The following ELP4 variants were observed in gnomAD, a reference collection of about 807,000 sequenced individuals.
ELP4 encodes the protein elongator acetyltransferase complex subunit 4.
Under a neutral mutation model 48.9 loss-of-function variants are expected in ELP4, and 51 were observed. That is an observed-to-expected ratio of 1.04 (90% CI 0.83 to 1.32). ELP4 has a LOEUF of 1.32. Among genes scored for constraint, ELP4 ranks in the 40% most tolerant of loss-of-function variants. ELP4 has a pLI of 0.00. For synonymous variants in ELP4, 210 were observed against 189.2 expected (o/e 1.11, Z -0.90); for missense variants, 519 against 514.6 (o/e 1.01, Z -0.08).
At chr11:31,657,290 T>C (rs998386191) in intron 9 of ELP4, among the ~76,000 whole-genome samples, 7 of 152,064 alleles carry the variant, frequency 4.6e-5, no homozygotes, top group Non-Finnish European at 8.8e-5. Context: ...GTAAATTAAC[T>C]ACCTCAACCT....
intron 7 of ELP4, among the ~76,000 whole-genome samples, chr11:31,635,639 A>G (rs1944959032): frequency 6.6e-6 from 1 of 151,996 alleles, no homozygotes; most frequent in African/African-American, 2.4e-5. Flanking sequence ...CCTCAGCTTC[A>G]TCTGTGAAAA....
At chr11:31,761,499 A>G (rs976956744) in intron 9 of ELP4, among the ~76,000 whole-genome samples, 7 of 152,224 alleles carry the variant, frequency 4.6e-5, no homozygotes, top group Non-Finnish European at 1.0e-4. Context: ...CCTGTTACAT[A>G]TATACCAGTA....
chr11:31,686,416 T>A (rs1490563610), intron 9 of ELP4, among the ~76,000 whole-genome samples: 1 of 151,520 alleles, frequency 6.6e-6, no homozygotes, highest in Non-Finnish European at 1.5e-5. Flanking sequence ...TGCAAGCATC[T>A]GACTATTTTA....
At chr11:31,727,873 G>A (rs1947108668) in intron 9 of ELP4, 1 of 152,150 alleles carries the variant, frequency 6.6e-6, no homozygotes, top group South Asian at 2.1e-4. Flanking sequence ...CAAGCATTCA[G>A]AATAGATACT....
intron 3 of ELP4, among the ~76,000 whole-genome samples, chr11:31,545,859 C>A (rs1377184643): frequency 1.3e-5 from 2 of 151,990 alleles, no homozygotes; most frequent in Non-Finnish European, 2.9e-5. Flanking sequence ...AATATTCAAC[C>A]CAGAATTTCA....
At chr11:31,514,763 A>G (rs1427767224) in intron 1 of ELP4, among the ~76,000 whole-genome samples, 1 of 152,088 alleles carries the variant, frequency 6.6e-6, no homozygotes, top group Non-Finnish European at 1.5e-5. Context: ...CCTTCAAAGA[A>G]TATGTCAGGA....
chr11:31,703,477 A>T (rs898113390), intron 9 of ELP4, among the ~76,000 whole-genome samples: 1 of 152,192 alleles, frequency 6.6e-6, no homozygotes, highest in African/African-American at 2.4e-5. Context: ...CATAATCTAT[A>T]TACTTTGCTT....
chr11:31,656,823 G>A (rs1202632303), intron 9 of ELP4, among the ~76,000 whole-genome samples: 1 of 151,974 alleles, frequency 6.6e-6, no homozygotes, highest in Non-Finnish European at 1.5e-5. Context: ...ATTTATATAT[G>A]TGTTTTATGG....
intron 9 of ELP4, among the ~76,000 whole-genome samples, chr11:31,737,375 A>G (rs1031302123): frequency 6.6e-6 from 1 of 152,086 alleles, no homozygotes; most frequent in South Asian, 2.1e-4. Context: ...GCTAAATGAC[A>G]AGTTAATGAG....
At chr11:31,735,381 A>C (rs1947287937) in intron 9 of ELP4, among the ~76,000 whole-genome samples, 1 of 152,210 alleles carries the variant, frequency 6.6e-6, no homozygotes, top group Non-Finnish European at 1.5e-5. Context: ...ACTTTAAAAA[A>C]TAAAAGCTTC....
rs1949361335 is a variant in ELP4 at position 31,790,115 on chromosome 11, A to AAAAC, written c.*6594_*6595insCAAA. 4 of 791,900 alleles carry AAAAC rather than the reference A, an allele frequency of 5.1e-6. 1 individual carries two copies. The highest frequency in any genetic ancestry group is 5.4e-4 in the Middle Eastern group (2 of 3,726). The allele number at this position is 791,900 out of a possible 1,614,324, so 49.1% of individuals were successfully genotyped here. A position where few individuals can be genotyped will look rare whatever the true frequency, so the allele number is the denominator to read the frequency against. ...AGGTTTACAAAAAAAAAAAAAAAAA[A>AAAAC]AAAAACTAATACTTTCTAACATTTT... On this transcript the variant is annotated 3_prime_UTR_variant, in exon 10 of 10. Transcript: ENST00000640961.
intron 9 of ELP4, among the ~76,000 whole-genome samples, chr11:31,758,382 A>G (rs527578775): frequency 2.6e-4 from 39 of 152,342 alleles, no homozygotes; most frequent in Middle Eastern, 3.4e-3. Context: ...ATAGTGAAGA[A>G]ATTAGAAATT....
intron 3 of ELP4, among the ~76,000 whole-genome samples, chr11:31,580,157 G>T (rs776004428): frequency 6.6e-6 from 1 of 152,098 alleles, no homozygotes; most frequent in Non-Finnish European, 1.5e-5. Flanking sequence ...TCTTGGGTTG[G>T]ATATTCATTA....
At chr11:31,683,803 A>C (rs1387582400) in intron 9 of ELP4, among the ~76,000 whole-genome samples, 3 of 151,886 alleles carry the variant, frequency 2.0e-5, no homozygotes, top group Non-Finnish European at 4.4e-5. Context: ...GCTAGATATA[A>C]ATGTCAAAAT....
At chr11:31,524,692 G>A (rs968268768) in intron 2 of ELP4, among the ~76,000 whole-genome samples, 1 of 152,172 alleles carries the variant, frequency 6.6e-6, no homozygotes, top group African/African-American at 2.4e-5. Flanking sequence ...AGTCCTCACA[G>A]AATATTATAG....
intron 3 of ELP4, among the ~76,000 whole-genome samples, chr11:31,544,305 C>T (rs1044695535): frequency 2.0e-5 from 3 of 152,228 alleles, no homozygotes; most frequent in Non-Finnish European, 2.9e-5. Context: ...CTGAATACTG[C>T]ACTTTTCAGA....
intron 4 of ELP4, among the ~76,000 whole-genome samples, chr11:31,601,597 A>G (rs1305653071): frequency 6.6e-6 from 1 of 152,180 alleles, no homozygotes; most frequent in Non-Finnish European, 1.5e-5. Flanking sequence ...AGAAACATTA[A>G]TAGAGACGGC....
At chr11:31,660,528 G>T (rs1945532460) in intron 9 of ELP4, among the ~76,000 whole-genome samples, 1 of 151,978 alleles carries the variant, frequency 6.6e-6, no homozygotes, top group Admixed American at 6.6e-5. Context: ...CTAAAATGTT[G>T]ACCAAAACCA....
chr11:31,562,053 A>G (rs1018012532), intron 3 of ELP4, among the ~76,000 whole-genome samples: 4 of 152,176 alleles, frequency 2.6e-5, no homozygotes, highest in Admixed American at 2.6e-4. Flanking sequence ...AGTGCTATTT[A>G]TGTTATGAGT....
Sources: gnomAD v4.1 joint callset for allele counts (sites outside exome capture counted in the v4.1 genomes callset) on GRCh38, gnomAD v4.1.1 for gene constraint, MANE v1.5 for transcripts, NCBI Gene and HGNC (gene_info 2026-07-23, HGNC 2026-07-21) for gene names.